Variants in SH2D3C observed in about 807,000 individuals in gnomAD.
SH2D3C encodes SH2 domain-containing protein 3C.
SH2D3C carries 25 observed loss-of-function variants against 75.2 expected under a neutral mutation model. That is an observed-to-expected ratio of 0.33 (90% CI 0.24 to 0.46). The LOEUF is 0.46. Ranked by LOEUF, SH2D3C falls within the 20% of genes least tolerant of loss-of-function variation. The pLI is 1.00. For synonymous variants in SH2D3C, 450 were observed against 473.7 expected (o/e 0.95, Z 0.65); for missense variants, 933 against 1,165.3 (o/e 0.80, Z 2.90).
rs755341876 is a variant in SH2D3C, at chr9:127,754,846, C to T, written c.556-3546G>A. ...GAGGCAGAAACGGACCGGCATCTAC[C>T]GCAGCCCAGAGTCCCAGGAGTGGCC... On this transcript the variant is annotated intron_variant, in intron 3 of 11. Transcript: ENST00000314830. The surrounding 1 kb of genome is among the most constrained non-coding windows in gnomAD (Gnocchi z 4.4). 4.0e-6 allele frequency: 2 copies of T among 496,030 alleles called. No individual in the cohort carries two copies. The highest frequency in any genetic ancestry group is 3.1e-5 in the South Asian group (2 of 64,708). The allele number at this position is 496,030 out of a possible 1,614,324, so 30.7% of individuals were successfully genotyped here. A position where few individuals can be genotyped will look rare whatever the true frequency, so the allele number is the denominator to read the frequency against.
chr9:127,739,738 C>A lies in SH2D3C; in HGVS notation c.2351G>T (p.Arg784Leu), dbSNP rs749026095. The change falls in exon 11 of 12, where the codon CGC becomes CTC. Residue 784 changes from arginine to leucine, a missense_variant. Transcript: ENST00000314830. The surrounding 1 kb of genome is among the most constrained non-coding windows in gnomAD (Gnocchi z 4.3). Reference protein sequence around the residue: ...EVVLAHLEAARTVAHHGGLYH... With the variant: ...EVVLAHLEAALTVAHHGGLYH... ...CAGGCCTCCGTGGTGTGCCACTGTG[C>A]GGGCGGCCTCCAGGTGAGCCAGCAC... 5 of 1,610,436 alleles carry A rather than the reference C, an allele frequency of 3.1e-6. No homozygotes were observed. Among genetic ancestry groups the A allele is most frequent in the Non-Finnish European group, 4.2e-6 (5 of 1,179,496 alleles).
chr9:127,752,891 G>A (rs1216206648), intron 3 of SH2D3C, among the ~76,000 whole-genome samples: 1 of 152,228 alleles, frequency 6.6e-6, no homozygotes, highest in East Asian at 1.9e-4. Context: ...GCAGAGTCAG[G>A]AATCACTTCC....
At chr9:127,771,545 A>G (rs1457962697) in intron 2 of SH2D3C, 5 of 358,824 alleles carry the variant, frequency 1.4e-5, no homozygotes, top group Middle Eastern at 7.6e-4. Flanking sequence ...CCCGGCTCCA[A>G]CGCTCGCTTC....
At chr9:127,740,417 G>A in intron 9 of SH2D3C, 48 bp from the exon 10 acceptor site, 3 of 1,416,192 alleles carry the variant, frequency 2.1e-6, no homozygotes, top group Non-Finnish European at 3.0e-6. Context: ...GGGCCTGCAG[G>A]GGCCACCCTG....
At chr9:127,743,040 T>C (rs146346873) in intron 7 of SH2D3C, 76 bp from the exon 8 acceptor site, 112 of 1,050,614 alleles carry the variant, frequency 1.1e-4, no homozygotes, top group Non-Finnish European at 1.5e-4. Flanking sequence ...GAGAGCTTTA[T>C]CTAAGGGGGT....
chr9:127,756,424 T>G (rs528254844), intron 3 of SH2D3C, among the ~76,000 whole-genome samples: 1 of 152,366 alleles, frequency 6.6e-6, no homozygotes, highest in South Asian at 2.1e-4. Flanking sequence ...TGACAGGCTG[T>G]GTGACCGCAG....
intron 3 of SH2D3C, among the ~76,000 whole-genome samples, chr9:127,753,100 C>T (rs746106695): frequency 6.6e-6 from 1 of 151,794 alleles, no homozygotes; most frequent in South Asian, 2.1e-4. Flanking sequence ...GGGGCAGGGG[C>T]AGGTGTGGCA....
chr9:127,756,131 C>A (rs1845373289), intron 3 of SH2D3C, among the ~76,000 whole-genome samples: 1 of 152,034 alleles, frequency 6.6e-6, no homozygotes, highest in South Asian at 2.1e-4. Flanking sequence ...GAAACCCTGT[C>A]TCTACTAAAA....
chr9:127,753,456 T>C (rs774987422), intron 3 of SH2D3C, among the ~76,000 whole-genome samples: 37 of 152,042 alleles, frequency 2.4e-4, no homozygotes, highest in Non-Finnish European at 4.9e-4. Context: ...TGGGGACAGA[T>C]GGTGGGAGTG....
At position 127,754,807 on chromosome 9, in the gene SH2D3C, T is replaced by C. The variant is rs1311217869; in HGVS notation, c.556-3507A>G. The C allele has an allele frequency of 6.2e-6, 3 of 482,688 alleles. No homozygotes were observed. The highest frequency in any genetic ancestry group is 1.3e-5 in the Non-Finnish European group (3 of 235,244). The allele number at this position is 482,688 out of a possible 1,614,324, so 29.9% of individuals were successfully genotyped here. On this transcript the variant is annotated intron_variant, in intron 3 of 11. Coordinates refer to ENST00000314830, the MANE Select transcript of SH2D3C (RefSeq NM_170600.3). The surrounding 1 kb of genome is among the most constrained non-coding windows in gnomAD (Gnocchi z 4.4). ...CCCAGTCCCCCCTGCCCCAGCTCTC[T>C]CCCTCCTGCGGAGGAGGCAGAAACG...
intron 1 of SH2D3C, among the ~76,000 whole-genome samples, chr9:127,775,100 G>A (rs1727867896): frequency 6.6e-6 from 1 of 151,982 alleles, no homozygotes; most frequent in African/African-American, 2.4e-5. Context: ...AAATTAAAAA[G>A]AAAAAGAAAG....
At position 127,749,534 on chromosome 9, in the gene SH2D3C, C is replaced by T. The variant is rs761058882; in HGVS notation, c.816G>A (p.Val272=). 3.1e-6 allele frequency: 5 copies of T among 1,613,938 alleles called. No individual in the cohort carries two copies. In the South Asian group the frequency reaches 5.5e-5, roughly 18 times the overall value. ...ALHFKINKVV[V]KAGESYTHIQ... ...TGTGTGTGTAGCTCTCGCCTGCCTT[C>T]ACCACCACCTTGTTGATCTTGAAGT... The change falls in exon 5 of 12, where the codon GTG becomes GTA. Residue 272 remains valine (V), a synonymous_variant. Transcript: ENST00000314830. This position sits in a 1 kb window ranked among gnomAD's most constrained non-coding sequence, Gnocchi z 5.9.
At chr9:127,746,951 C>T (rs765193505) in intron 6 of SH2D3C, among the ~76,000 whole-genome samples, 196 bp downstream of exon 6, 1 of 152,136 alleles carries the variant, frequency 6.6e-6, no homozygotes, top group Non-Finnish European at 1.5e-5. Context: ...TAAATAGTTG[C>T]TAAATAAACA....
intron 2 of SH2D3C, chr9:127,771,289 T>C: frequency 1.3e-6 from 2 of 1,512,174 alleles, no homozygotes; most frequent in Non-Finnish European, 8.8e-7. Context: ...GGCTCCTGCC[T>C]TTCTCGGGCC....
intron 3 of SH2D3C, among the ~76,000 whole-genome samples, chr9:127,752,986 T>G (rs1845243298): frequency 6.6e-6 from 1 of 151,230 alleles, no homozygotes; most frequent in Admixed American, 6.6e-5. Context: ...GGTGGACAGG[T>G]GGACAGGGAA....
chr9:127,742,865 G>A lies in SH2D3C; in HGVS notation c.1900C>T (p.Leu634=). ...CTGTCTCACCTTTCCAGCAGGTCTAGGCGTAGCTGCCGGCCATGGGGGAGG... is the reference window on the plus strand; with the variant it reads ...CTGTCTCACCTTTCCAGCAGGTCTAAGCGTAGCTGCCGGCCATGGGGGAGG... ...LTLPHGRQLR[L]DLLERFHTMS... Residue 634 remains leucine (L), a synonymous_variant, in exon 8 of 12, where the codon CTA becomes TTA. Coordinates refer to ENST00000314830, the MANE Select transcript of SH2D3C (RefSeq NM_170600.3). The A allele has an allele frequency of 1.2e-6, 2 of 1,613,546 alleles. No homozygotes were observed. The highest frequency in any genetic ancestry group is 1.7e-6 in the Non-Finnish European group (2 of 1,179,748).
chr9:127,742,206 G>A (rs997870792), intron 8 of SH2D3C, among the ~76,000 whole-genome samples: 2 of 152,172 alleles, frequency 1.3e-5, no homozygotes, highest in Non-Finnish European at 2.9e-5. Context: ...ATCACGCAGA[G>A]TAGTTTTTTG....
intron 9 of SH2D3C, 56 bp from the exon 10 acceptor site, chr9:127,740,425 C>G: frequency 8.0e-7 from 1 of 1,251,436 alleles, no homozygotes; most frequent in Non-Finnish European, 1.2e-6. Context: ...AGGGGCCACC[C>G]TGCTGCCCTG....
Position 127,754,978 on chromosome 9 carries a change from C to T in SH2D3C, c.556-3678G>A, listed in dbSNP as rs377012478. ...CCCAGCCCAGCCCGACCCTGCCGGGCGCCGCTGAGCTGCAGCTCCCCGGCT... is the reference window on the plus strand; with the variant it reads ...CCCAGCCCAGCCCGACCCTGCCGGGTGCCGCTGAGCTGCAGCTCCCCGGCT... On this transcript the variant is annotated intron_variant, in intron 3 of 11. Transcript: ENST00000314830. The surrounding 1 kb of genome is among the most constrained non-coding windows in gnomAD (Gnocchi z 4.4). 148 of 527,544 alleles carry T rather than the reference C, an allele frequency of 2.8e-4. No individual in the cohort carries two copies. Among genetic ancestry groups the T allele is most frequent in the African/African-American group, 2.8e-3 (130 of 47,142 alleles). 32.7% of individuals were successfully genotyped at this position (527,544 alleles called of 1,614,324 possible).
Sources: gnomAD v4.1 joint callset for allele counts (sites outside exome capture counted in the v4.1 genomes callset) on GRCh38, gnomAD v4.1.1 for gene constraint, Gnocchi (gnomAD v3.1) non-coding constraint, MANE v1.5 for transcripts, NCBI Gene and HGNC (gene_info 2026-07-23, HGNC 2026-07-21) for gene names.